TEP1: variants seen among roughly 807,000 people sequenced by gnomAD.
The protein encoded by TEP1 is telomerase protein component 1.
In TEP1, 241 loss-of-function variants were observed where a neutral mutation model predicts 306.3. That is an observed-to-expected ratio of 0.79 (90% CI 0.71 to 0.88). The LOEUF (loss-of-function observed/expected upper bound fraction) is 0.88. TEP1 is among the 40% of genes least tolerant of loss of function. The pLI is 0.00. For missense variants in TEP1, 3,051 were observed against 3,276.1 expected (o/e 0.93, Z 1.68); for synonymous variants, 1,289 against 1,305.5 (o/e 0.99, Z 0.27).
chr14:20,378,663 G>C (rs1885345884), intron 37 of TEP1, 91 bp downstream of exon 37: 1 of 1,577,774 alleles, frequency 6.3e-7, no homozygotes, highest in African/African-American at 1.3e-5. Flanking sequence ...TGGCCAGGGA[G>C]TCAGCAGCCT....
At chr14:20,396,569 C>T (rs1412556258) in intron 10 of TEP1, 52 bp downstream of exon 10, 2 of 1,504,354 alleles carry the variant, frequency 1.3e-6, no homozygotes, top group Middle Eastern at 1.7e-4. Context: ...GTGGCCTCTC[C>T]ACGTGCACAT....
Position 20,368,414 on chromosome 14 carries a change from C to A in TEP1, c.*23G>T. 1.2e-6 allele frequency: 2 copies of A among 1,613,046 alleles called. No homozygotes were observed. The highest frequency in any genetic ancestry group is 2.2e-5 in the South Asian group (2 of 91,052). On this transcript the variant is annotated 3_prime_UTR_variant, in exon 55 of 55. Coordinates refer to ENST00000262715, the MANE Select transcript of TEP1 (RefSeq NM_007110.5). ...TTTGCATCTCTAGCACAAGGGGTAT[C>A]ATTATTCCCGAGTGGCACATCTTCA...
intron 9 of TEP1, 151 bp from the exon 10 acceptor site, chr14:20,396,881 C>T (rs1878250695): frequency 4.3e-6 from 2 of 464,732 alleles, no homozygotes; most frequent in Non-Finnish European, 7.7e-6. Context: ...GGCAACATAG[C>T]AAGACTGTCT....
chr14:20,390,770 A>T lies in TEP1; in HGVS notation c.2257-12T>A. 6.2e-7 allele frequency: 1 copy of T among 1,614,084 alleles called. No homozygotes were observed. ...TTTTCATCAAACTCCTGAAGGAAAG[A>T]GACTTCATGTTATGTGGTTGCACAG... On this transcript the variant is annotated splice_polypyrimidine_tract_variant and intron_variant, in intron 14 of 54. Coordinates refer to ENST00000262715, the MANE Select transcript of TEP1 (RefSeq NM_007110.5).
chr14:20,385,320 T>C (rs1877041165), intron 20 of TEP1, among the ~76,000 whole-genome samples: 1 of 152,234 alleles, frequency 6.6e-6, no homozygotes, highest in Admixed American at 6.5e-5. Context: ...ATTCATTGAA[T>C]GCCTGTAATG....
At chr14:20,393,216 CA>C (rs1282506531) in intron 12 of TEP1, among the ~76,000 whole-genome samples, 60 of 114,274 alleles carry the variant, frequency 5.3e-4, no homozygotes, top group Admixed American at 1.3e-3. Flanking sequence ...GACTCGGTCT[CA>C]AAAAAAAAAA....
Position 20,395,883 on chromosome 14 carries a change from G to A in TEP1, c.1726C>T (p.Leu576Phe). The change falls in exon 11 of 55, where the codon CTC becomes TTC. Residue 576 changes from leucine to phenylalanine, a missense_variant. Physicochemically the swap from Leu to Phe is conservative, Grantham distance 22. This residue lies in a region of TEP1 where 1,507 missense variants were observed against 1,550.5 expected (regional missense o/e 0.97). Transcript: ENST00000262715. Reference protein sequence around the residue: ...FLNAHDAIDALEAQLRNQALP... With the variant: ...FLNAHDAIDAFEAQLRNQALP... ...CCTTGATTTCTGAGTTGAGCCTCGAGGGCATCAATGGCATCATGGGCGTTA... is the reference window on the plus strand; with the variant it reads ...CCTTGATTTCTGAGTTGAGCCTCGAAGGCATCAATGGCATCATGGGCGTTA... 3.7e-6 allele frequency: 6 copies of A among 1,614,054 alleles called. No homozygotes were observed. Among genetic ancestry groups the A allele is most frequent in the Non-Finnish European group, 5.1e-6 (6 of 1,179,972 alleles).
intron 7 of TEP1, 48 bp downstream of exon 7, chr14:20,403,329 A>G (rs1180137627): frequency 6.2e-7 from 1 of 1,602,604 alleles, no homozygotes; most frequent in Admixed American, 1.7e-5. Flanking sequence ...ATATTAGTCC[A>G]GAAGAGATTG....
chr14:20,406,180 C>T (rs1879161641), intron 3 of TEP1, 53 bp downstream of exon 3: 1 of 1,593,284 alleles, frequency 6.3e-7, no homozygotes, highest in Admixed American at 1.7e-5. Context: ...TACTCCACCA[C>T]CAACCTCCCC....
chr14:20,397,959 G>C (rs1878339913), intron 9 of TEP1, among the ~76,000 whole-genome samples: 1 of 151,890 alleles, frequency 6.6e-6, no homozygotes, highest in Non-Finnish European at 1.5e-5. Flanking sequence ...CACCATGTTG[G>C]CCAGGCTGGT....
In TEP1 at chr14:20,369,917, A is replaced by AGT. The variant is rs59667471; in HGVS notation, c.7318-139_7318-138insAC. Reference sequence around the variant, plus strand: ...CAACTTAGATACAATCAAGTGCGCAAATTTTTTTTTTTTTGAGACGGAGTC... The same window carrying AGT: ...CAACTTAGATACAATCAAGTGCGCAAGTATTTTTTTTTTTTTGAGACGGAGTC... On this transcript the variant is annotated intron_variant, in intron 51 of 54. Coordinates refer to ENST00000262715, the MANE Select transcript of TEP1 (RefSeq NM_007110.5). 243 of 590,740 alleles carry AGT rather than the reference A, an allele frequency of 4.1e-4. 1 individual carries two copies. Among genetic ancestry groups the AGT allele is most frequent in the Middle Eastern group, 1.9e-3 (4 of 2,056 alleles). The allele number at this position is 590,740 out of a possible 1,614,324, so 36.6% of individuals were successfully genotyped here.
intron 12 of TEP1, among the ~76,000 whole-genome samples, chr14:20,394,425 G>A (rs879853562): frequency 1.1e-4 from 16 of 150,098 alleles, no homozygotes; most frequent in Non-Finnish European, 1.9e-4. Flanking sequence ...CATGTGGCTA[G>A]TGGCTACATT....
intron 9 of TEP1, among the ~76,000 whole-genome samples, chr14:20,397,850 T>A (rs1480875761): frequency 6.6e-6 from 1 of 152,052 alleles, no homozygotes; most frequent in African/African-American, 2.4e-5. Flanking sequence ...GATTCCTGGA[T>A]TCAAGCAATT....
At position 20,367,375 on chromosome 14, in the gene TEP1, A is replaced by C. The variant is rs1006872825; in HGVS notation, c.*1062T>G. On this transcript the variant is annotated 3_prime_UTR_variant, in exon 55 of 55. Transcript: ENST00000262715. ...CAGACTCTATCTCAAAAACAAAAAAAAAAAAAAAAGGTTTTTTACTTAAGA... is the reference window on the plus strand; with the variant it reads ...CAGACTCTATCTCAAAAACAAAAAACAAAAAAAAAGGTTTTTTACTTAAGA... 2 of 152,016 alleles carry C rather than the reference A, an allele frequency of 1.3e-5. No homozygotes were observed. Among genetic ancestry groups the C allele is most frequent in the Non-Finnish European group, 2.9e-5 (2 of 68,012 alleles). The allele number at this position is 152,016 out of a possible 1,614,324, so 9.4% of individuals were successfully genotyped here.
chr14:20,369,492 T>C lies in TEP1; in HGVS notation c.7508A>G (p.Asn2503Ser). The change falls in exon 53 of 55, where the codon AAC (asparagine) becomes AGC (serine). Residue 2503 changes from asparagine to serine, a missense_variant. Asn to Ser is a conservative substitution (Grantham distance 46, BLOSUM62 1). Coordinates refer to ENST00000262715, the MANE Select transcript of TEP1 (RefSeq NM_007110.5). ...CSPEGEWTTG[N>S]MWQKKANTPE... is the part of the protein sequence containing the mutation. The stretch of plus-strand genomic sequence containing the variant: ...AGTGTTTGCTTTTTTCTGCCACATG[T>C]TACCTGTGGTCCATTCTCCTTCTGG... 1 of 1,614,206 alleles carries C rather than the reference T, an allele frequency of 6.2e-7. No homozygotes were observed. The highest frequency in any genetic ancestry group is 1.1e-5 in the South Asian group (1 of 91,088).
chr14:20,398,521 G>C (rs925496354), intron 9 of TEP1, among the ~76,000 whole-genome samples: 4 of 146,464 alleles, frequency 2.7e-5, no homozygotes, highest in Non-Finnish European at 5.9e-5. Flanking sequence ...AAAAAAAAGA[G>C]TGAAGGGGTG....
At chr14:20,369,854 G>A (rs1884721439) in intron 51 of TEP1, 75 bp from the exon 52 acceptor site, 4 of 1,189,438 alleles carry the variant, frequency 3.4e-6, no homozygotes, top group Middle Eastern at 2.8e-4. Flanking sequence ...ACAGTTTTCT[G>A]CTCTGGGCTG....
At chr14:20,401,725 G>C (rs973834826) in intron 7 of TEP1, 144 bp from the exon 8 acceptor site, 2 of 1,246,054 alleles carry the variant, frequency 1.6e-6, no homozygotes, top group East Asian at 2.4e-5. Flanking sequence ...AGCAGGAATA[G>C]AGGGTACAAA....
intron 7 of TEP1, among the ~76,000 whole-genome samples, chr14:20,402,432 G>A (rs546227059): frequency 2.1e-4 from 32 of 152,226 alleles, no homozygotes; most frequent in East Asian, 1.9e-3. Context: ...CTGAGAAAGC[G>A]TTTTTTCTTA....
Sources: allele counts gnomAD v4.1 joint callset (sites outside exome capture counted in the v4.1 genomes callset), GRCh38; gene constraint gnomAD v4.1.1; regional missense constraint gnomAD v4.1.1; transcripts MANE v1.5; gene names NCBI Gene and HGNC (gene_info 2026-07-23, HGNC 2026-07-21).